The following ADORA1 variants were observed in gnomAD, a reference collection of about 807,000 sequenced individuals.
ADORA1 encodes adenosine receptor A1.
ADORA1 carries 6 observed loss-of-function variants against 19.9 expected under a neutral mutation model. The ratio of observed to expected loss-of-function variants is 0.30; its 90% CI spans 0.17 to 0.59. ADORA1 has a LOEUF of 0.59. Ranked by LOEUF, ADORA1 falls within the 20% of genes least tolerant of loss-of-function variation. ADORA1 has a pLI of 0.87. For missense variants in ADORA1, 302 were observed against 439.2 expected (o/e 0.69, Z 2.79); for synonymous variants, 194 against 188.4 (o/e 1.03, Z -0.24).
In ADORA1 at chr1:203,128,717, C is replaced by T; in HGVS notation, c.-57-68C>T. On this transcript the variant is annotated intron_variant, in intron 2 of 3. Coordinates refer to ENST00000337894, the MANE Select transcript of ADORA1 (RefSeq NM_000674.3). The surrounding 1 kb of genome is among the most constrained non-coding windows in gnomAD (Gnocchi z 5.9). Reference sequence around the variant, plus strand: ...ACACATCACAGGGTACCTGGAGTTCCAGGGCAGCCTGAGCTCCCTGCCCCT... The same window carrying T: ...ACACATCACAGGGTACCTGGAGTTCTAGGGCAGCCTGAGCTCCCTGCCCCT... 2 of 1,487,114 alleles carry T rather than the reference C, an allele frequency of 1.3e-6. No homozygotes were observed. The highest frequency in any genetic ancestry group is 1.8e-6 in the Non-Finnish European group (2 of 1,123,634). 92.1% of individuals were successfully genotyped at this position (1,487,114 alleles called of 1,614,324 possible).
At chr1:203,144,521 T>C (rs1654801713) in intron 3 of ADORA1, among the ~76,000 whole-genome samples, 1 of 152,214 alleles carries the variant, frequency 6.6e-6, no homozygotes, top group African/African-American at 2.4e-5. Flanking sequence ...ATCCCCATTT[T>C]CCACATGAGG....
intron 3 of ADORA1, among the ~76,000 whole-genome samples, chr1:203,148,923 G>GC (rs1308382882): frequency 6.6e-6 from 1 of 151,880 alleles, no homozygotes; most frequent in African/African-American, 2.4e-5. Context: ...CGTTGCCCCA[G>GC]CTGGAGTGCA....
chr1:203,160,951 C>T (rs1231986325), intron 3 of ADORA1, among the ~76,000 whole-genome samples: 3 of 152,196 alleles, frequency 2.0e-5, no homozygotes, highest in Non-Finnish European at 4.4e-5. Context: ...AATCTCCCAC[C>T]CCTCCTATGG....
intron 3 of ADORA1, among the ~76,000 whole-genome samples, chr1:203,133,292 T>C (rs1654400708): frequency 6.6e-6 from 1 of 152,166 alleles, no homozygotes; most frequent in South Asian, 2.1e-4. Flanking sequence ...TTTTTGTATT[T>C]TTAGTAGAGA....
chr1:203,162,343 C>T (rs1319845083), intron 3 of ADORA1, among the ~76,000 whole-genome samples: 1 of 152,098 alleles, frequency 6.6e-6, no homozygotes, highest in Non-Finnish European at 1.5e-5. Context: ...AAAGCTTTAA[C>T]CCCGGGGGCT....
chr1:203,134,421 G>A (rs1473755392), intron 3 of ADORA1, among the ~76,000 whole-genome samples: 1 of 152,234 alleles, frequency 6.6e-6, no homozygotes, highest in African/African-American at 2.4e-5. Context: ...GCCTTCAGGT[G>A]TGTTAGGCCA....
chr1:203,138,009 A>G (rs1654564537), intron 3 of ADORA1, among the ~76,000 whole-genome samples: 1 of 152,212 alleles, frequency 6.6e-6, no homozygotes, highest in African/African-American at 2.4e-5. Flanking sequence ...ATTCAATTGT[A>G]TGAATGTACC....
Position 203,165,820 on chromosome 1 carries a change from A to G in ADORA1, c.901A>G (p.Lys301Glu), listed in dbSNP as rs1394404249. Residue 301 changes from lysine to glutamate, a missense_variant, in exon 4 of 4, where the codon AAG becomes GAG. Coordinates refer to ENST00000337894, the MANE Select transcript of ADORA1 (RefSeq NM_000674.3). The surrounding 1 kb of genome is among the most constrained non-coding windows in gnomAD (Gnocchi z 5.9). Reference sequence around the variant, plus strand: ...CCAGAAGTTCCGCGTCACCTTCCTTAAGATTTGGAATGACCATTTCCGCTG... The same window carrying G: ...CCAGAAGTTCCGCGTCACCTTCCTTGAGATTTGGAATGACCATTTCCGCTG... ...RIQKFRVTFLKIWNDHFRCQP... is the reference protein window; with the variant it reads ...RIQKFRVTFLEIWNDHFRCQP... 2.5e-6 allele frequency: 4 copies of G among 1,610,300 alleles called. No individual in the cohort carries two copies. Among genetic ancestry groups the G allele is most frequent in the Non-Finnish European group, 2.5e-6 (3 of 1,177,954 alleles).
intron 3 of ADORA1, among the ~76,000 whole-genome samples, chr1:203,144,290 T>G (rs2102747598): frequency 6.6e-6 from 1 of 152,248 alleles, no homozygotes; most frequent in South Asian, 2.1e-4. Context: ...AATTTGAAAG[T>G]GGGGTCCAAG....
At chr1:203,164,956 CAATTT>C in intron 3 of ADORA1, 1 of 1,365,536 alleles carries the variant, frequency 7.3e-7, no homozygotes. Context: ...CACATGGGAG[CAATTT>C]TTACTGTGGT....
chr1:203,150,900 G>A, intron 3 of ADORA1: 1 of 948,224 alleles, frequency 1.1e-6, no homozygotes. Context: ...CTCAGTGACA[G>A]CAGCTGCCTC....
chr1:203,131,505 AT>A, intron 3 of ADORA1, among the ~76,000 whole-genome samples: 1 of 152,326 alleles, frequency 6.6e-6, no homozygotes, highest in South Asian at 2.1e-4. Flanking sequence ...CCTCAAGCCT[AT>A]CTTCCAGAAG....
chr1:203,151,548 G>T (rs562175752), intron 3 of ADORA1, among the ~76,000 whole-genome samples: 2 of 152,294 alleles, frequency 1.3e-5, no homozygotes, highest in East Asian at 3.9e-4. Context: ...AGAATCAGGG[G>T]TGTGCTCCTG....
chr1:203,131,094 G>A (rs972351538), intron 3 of ADORA1, among the ~76,000 whole-genome samples: 3 of 152,214 alleles, frequency 2.0e-5, no homozygotes, highest in Non-Finnish European at 4.4e-5. Flanking sequence ...TATATGCGAA[G>A]CACTTGTATT....
chr1:203,151,814 ATT>A (rs1655046615), intron 3 of ADORA1, among the ~76,000 whole-genome samples: 1 of 151,726 alleles, frequency 6.6e-6, no homozygotes, highest in African/African-American at 2.4e-5. Flanking sequence ...TCATTCATTC[ATT>A]CATTCTTATA....
At position 203,166,205 on chromosome 1, in the gene ADORA1, G is replaced by A. The variant is rs1291051626; in HGVS notation, c.*305G>A. The stretch of plus-strand genomic sequence containing the variant: ...TCCCATGAGCAGTCCAGAGCTTCAG[G>A]GCTGGGCAGGTCCTGGGGAGGCTGA... On this transcript the variant is annotated 3_prime_UTR_variant, in exon 4 of 4. Coordinates refer to ENST00000337894, the MANE Select transcript of ADORA1 (RefSeq NM_000674.3). 1.8e-5 allele frequency: 5 copies of A among 274,756 alleles called. No homozygotes were observed. Among genetic ancestry groups the A allele is most frequent in the Non-Finnish European group, 2.7e-5 (4 of 147,848 alleles). The allele number at this position is 274,756 out of a possible 1,614,324, so 17.0% of individuals were successfully genotyped here.
chr1:203,140,862 C>T (rs1046484477), intron 3 of ADORA1, among the ~76,000 whole-genome samples: 4 of 152,214 alleles, frequency 2.6e-5, no homozygotes, highest in Non-Finnish European at 4.4e-5. Flanking sequence ...CTTTTCCCTA[C>T]CCCAGGCCTC....
At chr1:203,137,519 G>A (rs994217166) in intron 3 of ADORA1, among the ~76,000 whole-genome samples, 3 of 152,212 alleles carry the variant, frequency 2.0e-5, no homozygotes, top group African/African-American at 7.2e-5. Context: ...TTAGGGACAA[G>A]GGTGCAAACG....
intron 3 of ADORA1, among the ~76,000 whole-genome samples, chr1:203,155,323 T>C (rs1205063092): frequency 6.6e-6 from 1 of 152,206 alleles, no homozygotes; most frequent in East Asian, 1.9e-4. Flanking sequence ...ATTACAGGCA[T>C]GAGCCACCGT....
Sources: allele counts gnomAD v4.1 joint callset (sites outside exome capture counted in the v4.1 genomes callset), GRCh38; gene constraint gnomAD v4.1.1; non-coding constraint Gnocchi (gnomAD v3.1); transcripts MANE v1.5; gene names NCBI Gene and HGNC (gene_info 2026-07-23, HGNC 2026-07-21).